PTK2: variants seen among roughly 807,000 people sequenced by gnomAD.
PTK2 encodes focal adhesion kinase 1.
In PTK2, 45 loss-of-function variants were observed where a neutral mutation model predicts 150.1. The ratio of observed to expected loss-of-function variants is 0.30; its 90% CI spans 0.24 to 0.38. The LOEUF is 0.38. PTK2 is among the 10% of genes least tolerant of loss of function. The pLI, the probability that PTK2 is intolerant of heterozygous loss-of-function variation, is 1.00. For synonymous variants in PTK2, 432 were observed against 449.2 expected (o/e 0.96, Z 0.48); for missense variants, 919 against 1,307.3 (o/e 0.70, Z 4.58).
At chr8:140,691,595 G>A (rs908067168) in intron 26 of PTK2, among the ~76,000 whole-genome samples, 4 of 152,098 alleles carry the variant, frequency 2.6e-5, no homozygotes, top group Admixed American at 6.5e-5. Context: ...TCACCGCTGC[G>A]TCTCTGTTAC....
chr8:140,891,949 T>C (rs1240218079), intron 2 of PTK2, among the ~76,000 whole-genome samples: 7 of 152,188 alleles, frequency 4.6e-5, no homozygotes, highest in Admixed American at 2.6e-4. Context: ...CTCATGCCTG[T>C]AATCCCAGCA....
intron 26 of PTK2, among the ~76,000 whole-genome samples, chr8:140,699,564 T>C (rs886237784): frequency 1.3e-5 from 2 of 152,226 alleles, no homozygotes; most frequent in Non-Finnish European, 2.9e-5. Context: ...GGGAGGAGGT[T>C]CACATCAGTC....
chr8:141,001,654 G>A (rs1350397190), upstream of PTK2, among the ~76,000 whole-genome samples: 2 of 152,056 alleles, frequency 1.3e-5, no homozygotes, highest in Admixed American at 1.3e-4. Flanking sequence ...CTCCTTCCCT[G>A]CCCCCAAATC....
At chr8:140,812,929 T>C (rs903338981) in intron 10 of PTK2, among the ~76,000 whole-genome samples, 1 of 152,166 alleles carries the variant, frequency 6.6e-6, no homozygotes, top group Non-Finnish European at 1.5e-5. Context: ...TACACAATAA[T>C]AGTGGGAGAC....
At chr8:140,663,332 C>T (rs2083677411) in intron 31 of PTK2, among the ~76,000 whole-genome samples, 1 of 152,180 alleles carries the variant, frequency 6.6e-6, no homozygotes, top group South Asian at 2.1e-4. Flanking sequence ...AATCTTTTAA[C>T]TTTCATATAA....
At chr8:140,963,224 C>T (rs1213337617) in intron 1 of PTK2, among the ~76,000 whole-genome samples, 1 of 152,122 alleles carries the variant, frequency 6.6e-6, no homozygotes, top group Non-Finnish European at 1.5e-5. Flanking sequence ...ATTCTTTCCA[C>T]GAGCTATACT....
Position 140,964,902 on chromosome 8 carries a change from GA to G in PTK2, c.-122+36222del, listed in dbSNP as rs2100184709. 5.3e-5 allele frequency among the ~76,000 whole-genome samples: 8 copies of G among 151,842 alleles called. 1 individual carries two copies. The South Asian group carries it at 1.7e-3, about 31-fold the overall frequency. Reference sequence around the variant, plus strand: ...TCAACTACATATTCTTTGCTCCCAAGAAAAAAGGTATTTATCCTATATCCTC... The same window carrying G: ...TCAACTACATATTCTTTGCTCCCAAGAAAAAGGTATTTATCCTATATCCTC... On this transcript the variant is annotated intron_variant, in intron 1 of 31. Coordinates refer to ENST00000522684, the Ensembl canonical transcript of PTK2.
At chr8:140,737,910 T>C (rs2100053524) in intron 21 of PTK2, among the ~76,000 whole-genome samples, 1 of 152,220 alleles carries the variant, frequency 6.6e-6, no homozygotes, top group Non-Finnish European at 1.5e-5. Context: ...GAGCTTTTTC[T>C]AATCATGTCA....
At chr8:140,830,237 T>C (rs1014670446) in intron 8 of PTK2, among the ~76,000 whole-genome samples, 2 of 152,234 alleles carry the variant, frequency 1.3e-5, no homozygotes, top group African/African-American at 4.8e-5. Flanking sequence ...TTTAGTTTTA[T>C]GCTTAGCAGA....
intron 3 of PTK2, among the ~76,000 whole-genome samples, chr8:140,879,936 C>T (rs980316735): frequency 6.6e-6 from 1 of 152,024 alleles, no homozygotes; most frequent in African/African-American, 2.4e-5. Context: ...AACTTAAAAA[C>T]ACATTTCTGC....
intron 29 of PTK2, among the ~76,000 whole-genome samples, chr8:140,670,456 CAAA>C (rs10558474): frequency 8.4e-4 from 15 of 17,834 alleles, no homozygotes; most frequent in African/African-American, 2.1e-3. Flanking sequence ...CACTGTGTCT[CAAA>C]AAAAAAAAAA....
chr8:140,862,641 G>A (rs913476821), intron 5 of PTK2, among the ~76,000 whole-genome samples: 1 of 152,158 alleles, frequency 6.6e-6, no homozygotes, highest in Non-Finnish European at 1.5e-5. Flanking sequence ...AGCAGGAGGT[G>A]AGCTGTGGGC....
chr8:140,784,091 G>C (rs543392800), intron 14 of PTK2, among the ~76,000 whole-genome samples: 2 of 152,242 alleles, frequency 1.3e-5, no homozygotes, highest in African/African-American at 4.8e-5. Flanking sequence ...CTTGAACCTG[G>C]GAGGCGGAGG....
chr8:140,772,771 T>C (rs1012270499), intron 14 of PTK2, among the ~76,000 whole-genome samples: 4 of 152,112 alleles, frequency 2.6e-5, no homozygotes, highest in Non-Finnish European at 5.9e-5. Flanking sequence ...AATATAAATA[T>C]AGTGAAATGG....
chr8:140,907,397 C>A (rs2100161372), intron 2 of PTK2, among the ~76,000 whole-genome samples: 1 of 152,182 alleles, frequency 6.6e-6, no homozygotes, highest in Non-Finnish European at 1.5e-5. Flanking sequence ...TTCCGTTGAA[C>A]ATCATATCGG....
intron 17 of PTK2, 168 bp downstream of exon 20, chr8:140,752,064 C>A (rs977382830): frequency 1.1e-5 from 8 of 706,718 alleles, no homozygotes; most frequent in Non-Finnish European, 1.8e-5. Flanking sequence ...CTGGAAAAAT[C>A]TGTAGATAGG....
At chr8:140,666,578 CACACACACAAA>C (rs1289983773) in intron 30 of PTK2, among the ~76,000 whole-genome samples, 1 of 151,990 alleles carries the variant, frequency 6.6e-6, no homozygotes. Context: ...TTTTTTAAAA[CACACACACAAA>C]ACCCCAAGCT....
chr8:140,798,077 T>C (rs1462192939), intron 12 of PTK2, among the ~76,000 whole-genome samples: 1 of 152,208 alleles, frequency 6.6e-6, no homozygotes, highest in South Asian at 2.1e-4. Flanking sequence ...TGCTATGTTA[T>C]GCATATACAT....
chr8:140,700,958 C>T (rs764342696), exon 26 of PTK2: 17 of 1,613,970 alleles, frequency 1.1e-5, no homozygotes, highest in Admixed American at 1.0e-4. Flanking sequence ...TCGGATTAGA[C>T]GCTCTTCCAT....
Sources: gnomAD v4.1 joint callset for allele counts (sites outside exome capture counted in the v4.1 genomes callset) on GRCh38, gnomAD v4.1.1 for gene constraint, MANE v1.5 for transcripts, NCBI Gene and HGNC (gene_info 2026-07-23, HGNC 2026-07-21) for gene names.